Variants in CLEC6A observed in about 807,000 individuals in gnomAD.
The protein encoded by CLEC6A is C-type lectin domain family 6 member A.
CLEC6A carries 22 observed loss-of-function variants against 25.7 expected under a neutral mutation model. That is an observed-to-expected ratio of 0.85 (90% CI 0.61 to 1.22). CLEC6A has a LOEUF of 1.22. Ranked by LOEUF, CLEC6A falls within the 50% of genes most tolerant of loss-of-function variation. The probability of loss-of-function intolerance (pLI) is 0.00; values close to 1 mark genes in which losing one functional copy is unlikely to be tolerated. For missense variants in CLEC6A, 240 were observed against 236.8 expected, an observed-to-expected ratio of 1.01 and a Z score of -0.09; for synonymous variants, 92 against 76.7, an observed-to-expected ratio of 1.20 and a Z score of -1.04.
chr12:8,478,109 A>C lies in CLEC6A; in HGVS notation c.*645A>C, dbSNP rs1301113743. 1 of 151,992 alleles carries C rather than the reference A, an allele frequency of 6.6e-6. No homozygotes were observed. Among genetic ancestry groups the C allele is most frequent in the African/African-American group, 2.4e-5 (1 of 41,418 alleles). 9.4% of individuals were successfully genotyped at this position (151,992 alleles called of 1,614,324 possible). ...TTTTATTTCTGAGAAATATGTGTTA[A>C]GATCTCTCGCTGATTGGGAATTTGT... On this transcript the variant is annotated 3_prime_UTR_variant, in exon 6 of 6. Coordinates refer to ENST00000382073, the MANE Select transcript of CLEC6A (RefSeq NM_001007033.2).
At chr12:8,468,291 G>A (rs912478872) in intron 4 of CLEC6A, among the ~76,000 whole-genome samples, 11 of 152,088 alleles carry the variant, frequency 7.2e-5, no homozygotes, top group Admixed American at 6.6e-4. Context: ...TTTTTAGATT[G>A]TTTATTTTTA....
chr12:8,459,960 G>A (rs1303888009), intron 3 of CLEC6A, among the ~76,000 whole-genome samples: 1 of 152,088 alleles, frequency 6.6e-6, no homozygotes, highest in African/African-American at 2.4e-5. Context: ...GCCAACCCTG[G>A]AAATTATTTA....
chr12:8,476,369 G>A (rs1480326980), intron 5 of CLEC6A, 129 bp downstream of exon 5: 3 of 609,020 alleles, frequency 4.9e-6, no homozygotes, highest in African/African-American at 1.9e-5. Flanking sequence ...CTAAGGATAT[G>A]CATTATCTCA....
intron 4 of CLEC6A, among the ~76,000 whole-genome samples, chr12:8,474,871 T>G (rs1470371148): frequency 6.6e-6 from 1 of 152,166 alleles, no homozygotes; most frequent in Non-Finnish European, 1.5e-5. Flanking sequence ...TCCAAGTAAT[T>G]TGCTACTTTC....
At chr12:8,466,240 T>C (rs1037042226) in intron 4 of CLEC6A, among the ~76,000 whole-genome samples, 1 of 152,226 alleles carries the variant, frequency 6.6e-6, no homozygotes, top group South Asian at 2.1e-4. Flanking sequence ...TTTCTCCTTT[T>C]TTGTGGTGAG....
At chr12:8,470,381 T>C (rs1364855163) in intron 4 of CLEC6A, among the ~76,000 whole-genome samples, 1 of 152,128 alleles carries the variant, frequency 6.6e-6, no homozygotes, top group Non-Finnish European at 1.5e-5. Context: ...TGGGGATTCC[T>C]TAAAGAACTA....
In CLEC6A at chr12:8,457,922, G is replaced by C. The variant is rs764453090; in HGVS notation, c.56G>C (p.Arg19Thr). The change falls in exon 2 of 6, where the codon AGA becomes ACA. Residue 19 changes from arginine to threonine, a missense_variant. By Grantham distance (71) the Arg-to-Thr change is moderately conservative. Transcript: ENST00000382073. Reference sequence around the variant, plus strand: ...GAGAAAAGAGGCTGGTTGTCCCTGAGACTCTGGTCTGTGGCTGGGATTTCC... The same window carrying C: ...GAGAAAAGAGGCTGGTTGTCCCTGACACTCTGGTCTGTGGCTGGGATTTCC... Reference protein sequence around the residue: ...STEKRGWLSLRLWSVAGISIA... With the variant: ...STEKRGWLSLTLWSVAGISIA... 2.5e-6 allele frequency: 4 copies of C among 1,614,070 alleles called. No individual in the cohort carries two copies. The highest frequency in any genetic ancestry group is 3.3e-5 in the Admixed American group (2 of 60,020).
chr12:8,464,525 G>A (rs959010290), intron 3 of CLEC6A, among the ~76,000 whole-genome samples: 1 of 152,020 alleles, frequency 6.6e-6, no homozygotes, highest in African/African-American at 2.4e-5. Context: ...TAGAGATCGG[G>A]GTTTCATCTT....
At chr12:8,466,611 T>C (rs1260746670) in intron 4 of CLEC6A, among the ~76,000 whole-genome samples, 1 of 152,104 alleles carries the variant, frequency 6.6e-6, no homozygotes, top group Non-Finnish European at 1.5e-5. Context: ...CTCATTGTGA[T>C]TTTGATTTGT....
Position 8,467,762 on chromosome 12 carries a change from G to C in CLEC6A, c.369+2133G>C, listed in dbSNP as rs138656121. On this transcript the variant is annotated intron_variant, in intron 4 of 5. Transcript: ENST00000382073. The stretch of plus-strand genomic sequence containing the variant: ...TGGTAGGGATCACATTGACTCTTTA[G>C]ATTGCATTTTAACTATATTAAGCCT... Among the ~76,000 whole-genome samples the C allele has an allele frequency of 1.2e-3, 180 of 152,206 alleles. 1 individual carries two copies. Among genetic ancestry groups the C allele is most frequent in the African/African-American group, 4.2e-3 (175 of 41,538 alleles).
intron 4 of CLEC6A, among the ~76,000 whole-genome samples, chr12:8,469,847 G>GA (rs1435107047): frequency 6.6e-6 from 1 of 152,080 alleles, no homozygotes; most frequent in East Asian, 1.9e-4. Flanking sequence ...GATAACATTG[G>GA]AAAAACCCTT....
chr12:8,461,729 A>C (rs905744352), intron 3 of CLEC6A, among the ~76,000 whole-genome samples: 1 of 152,226 alleles, frequency 6.6e-6, no homozygotes, highest in African/African-American at 2.4e-5. Flanking sequence ...TAACGTTAAA[A>C]AATAATTGAA....
chr12:8,459,098 A>C (rs960802023), intron 2 of CLEC6A, among the ~76,000 whole-genome samples: 18 of 152,232 alleles, frequency 1.2e-4, no homozygotes, highest in African/African-American at 4.3e-4. Context: ...ATTAAGGCTA[A>C]GGAGAAGCAG....
At chr12:8,457,432 C>T (rs1293863139) in intron 1 of CLEC6A, among the ~76,000 whole-genome samples, 1 of 152,158 alleles carries the variant, frequency 6.6e-6, no homozygotes, top group Non-Finnish European at 1.5e-5. Context: ...GAATAATATG[C>T]CATTGTATAT....
intron 4 of CLEC6A, among the ~76,000 whole-genome samples, chr12:8,469,099 C>T (rs986270353): frequency 6.6e-6 from 1 of 152,132 alleles, no homozygotes; most frequent in Non-Finnish European, 1.5e-5. Context: ...TTTCAGGATA[C>T]AAAATTAATG....
intron 3 of CLEC6A, among the ~76,000 whole-genome samples, chr12:8,462,096 G>T: frequency 6.6e-6 from 1 of 152,184 alleles, no homozygotes; most frequent in East Asian, 1.9e-4. Context: ...CACGTGCTGT[G>T]TCAACTCAGG....
Position 8,477,317 on chromosome 12 carries a change from T to C in CLEC6A, c.486-3T>C, listed in dbSNP as rs1287908447. 1.9e-6 allele frequency: 3 copies of C among 1,603,020 alleles called. No individual in the cohort carries two copies. Among genetic ancestry groups the C allele is most frequent in the Admixed American group, 3.5e-5 (2 of 57,252 alleles). ...TGTGTACTACCTTTTTGTTTTCCTT[T>C]AGATTTTGGCACCTAGGTGAGCCCA... On this transcript the variant is annotated splice_region_variant and splice_polypyrimidine_tract_variant and intron_variant, in intron 5 of 5. Transcript: ENST00000382073.
rs1429838997 is a variant in CLEC6A at position 8,477,491 on chromosome 12, A to G, written c.*27A>G. The G allele has an allele frequency of 7.1e-6, 11 of 1,554,224 alleles. No homozygotes were observed. The highest frequency in any genetic ancestry group is 1.2e-5 in the South Asian group (1 of 83,418). On this transcript the variant is annotated 3_prime_UTR_variant, in exon 6 of 6. Transcript: ENST00000382073. ...TAGAAGCTTAATTGGAAAGAAGAGAAGAATTACTGACGTAATTTTTTCCCT... is the reference window on the plus strand; with the variant it reads ...TAGAAGCTTAATTGGAAAGAAGAGAGGAATTACTGACGTAATTTTTTCCCT...
intron 3 of CLEC6A, chr12:8,461,360 T>C: frequency 2.4e-6 from 1 of 412,630 alleles, no homozygotes. Context: ...TGTGGAACAC[T>C]GTTTCAACAA....
Sources: allele counts gnomAD v4.1 joint callset (sites outside exome capture counted in the v4.1 genomes callset), GRCh38; gene constraint gnomAD v4.1.1; transcripts MANE v1.5; gene names NCBI Gene and HGNC (gene_info 2026-07-23, HGNC 2026-07-21).